The following PCDHGA4 variants were observed in gnomAD, a reference collection of about 807,000 sequenced individuals.
PCDHGA4 encodes protocadherin gamma subfamily A, 4, also known as protocadherin gamma-A4.
In PCDHGA4, 38 loss-of-function variants were observed where a neutral mutation model predicts 54.6. The ratio of observed to expected loss-of-function variants is 0.70; its 90% CI spans 0.54 to 0.91. The LOEUF (loss-of-function observed/expected upper bound fraction) is 0.91. Among genes scored for constraint, PCDHGA4 ranks in the 40% least tolerant of loss-of-function variants. PCDHGA4 has a pLI of 0.00. For missense variants in PCDHGA4, 1,298 were observed against 1,220.9 expected (o/e 1.06, Z -0.94); for synonymous variants, 511 against 512.9 (o/e 1.00, Z 0.05).
In PCDHGA4 at chr5:141,355,025, T is replaced by A; in HGVS notation, c.-83T>A. 2 of 933,162 alleles carry A rather than the reference T, an allele frequency of 2.1e-6. No homozygotes were observed. The highest frequency in any genetic ancestry group is 2.9e-5 in the East Asian group (1 of 34,984). 57.8% of individuals were successfully genotyped at this position (933,162 alleles called of 1,614,324 possible). A position where few individuals can be genotyped will look rare whatever the true frequency, so the allele number is the denominator to read the frequency against. On this transcript the variant is annotated 5_prime_UTR_variant, in exon 1 of 4. Coordinates refer to ENST00000571252, the MANE Select transcript of PCDHGA4 (RefSeq NM_018917.4). ...AGACAAACCAGAAATTTAATCAGAA[T>A]CACAAGATTTCTGCAGCACAAAGCA...
At chr5:141,415,746 T>G (rs766611858) in intron 1 of PCDHGA4, 17 of 662,556 alleles carry the variant, frequency 2.6e-5, no homozygotes, top group East Asian at 1.1e-4. Context: ...TAAGGTTTTT[T>G]TTTTTTTTTT....
At chr5:141,412,561 T>G (rs1183372771) in intron 1 of PCDHGA4, 3 of 152,184 alleles carry the variant, frequency 2.0e-5, no homozygotes, top group Admixed American at 6.5e-5. Context: ...TCTCATGAGT[T>G]TATTTAATAT....
Position 141,477,856 on chromosome 5 carries a change from G to T in PCDHGA4, c.2515-16951G>T, listed in dbSNP as rs773703641. ...CAGGTGGGAGCTCGGTGGAGATGCTGCCTCGAGGTACCTCAGCTGGCCACC... is the reference window on the plus strand; with the variant it reads ...CAGGTGGGAGCTCGGTGGAGATGCTTCCTCGAGGTACCTCAGCTGGCCACC... On this transcript the variant is annotated intron_variant, in intron 1 of 3. Coordinates refer to ENST00000571252, the MANE Select transcript of PCDHGA4 (RefSeq NM_018917.4). This position sits in a 1 kb window ranked among gnomAD's most constrained non-coding sequence, Gnocchi z 4.9. 1 of 1,613,474 alleles carries T rather than the reference G, an allele frequency of 6.2e-7. No homozygotes were observed. Among genetic ancestry groups the T allele is most frequent in the Non-Finnish European group, 8.5e-7 (1 of 1,179,854 alleles).
Position 141,375,441 on chromosome 5 carries a change from C to T in PCDHGA4, c.2514+17820C>T, listed in dbSNP as rs904228732. 4.3e-6 allele frequency: 7 copies of T among 1,613,912 alleles called. No individual in the cohort carries two copies. The highest frequency in any genetic ancestry group is 1.7e-5 in the Admixed American group (1 of 60,012). ...ACCAACGACAACCCGCCCACCTTCC[C>T]CCATTCATCCTACTCAGTCTATGTC... is the stretch of plus-strand genomic sequence containing the variant. On this transcript the variant is annotated intron_variant, in intron 1 of 3. Transcript: ENST00000571252.
At chr5:141,446,365 G>T (rs2098499873) in intron 1 of PCDHGA4, among the ~76,000 whole-genome samples, 1 of 152,194 alleles carries the variant, frequency 6.6e-6, no homozygotes, top group Non-Finnish European at 1.5e-5. Flanking sequence ...GATGAGAATG[G>T]AAGACTAAAG....
intron 2 of PCDHGA4, among the ~76,000 whole-genome samples, chr5:141,500,112 C>G (rs2099796438): frequency 6.8e-6 from 1 of 147,138 alleles, no homozygotes; most frequent in Non-Finnish European, 1.5e-5. Context: ...TGTTGAATCC[C>G]TGCCTTTTCA....
At chr5:141,504,476 A>G (rs998883721) in intron 2 of PCDHGA4, among the ~76,000 whole-genome samples, 4 of 152,016 alleles carry the variant, frequency 2.6e-5, no homozygotes, top group African/African-American at 9.7e-5. Context: ...GGATGGGAGT[A>G]CAGTGGAGGC....
At chr5:141,437,589 T>C (rs929281293) in intron 1 of PCDHGA4, among the ~76,000 whole-genome samples, 10 of 152,306 alleles carry the variant, frequency 6.6e-5, no homozygotes, top group African/African-American at 2.2e-4. Flanking sequence ...ATGAATTGGA[T>C]AGTTCTGGTG....
intron 1 of PCDHGA4, chr5:141,404,765 T>A: frequency 6.2e-7 from 1 of 1,613,120 alleles, no homozygotes; most frequent in Non-Finnish European, 8.5e-7. Context: ...TGCTTGGCTC[T>A]CCTACCGCCT....
At chr5:141,371,184 G>C in intron 1 of PCDHGA4, 1 of 1,614,032 alleles carries the variant, frequency 6.2e-7, no homozygotes, top group Non-Finnish European at 8.5e-7. Context: ...CGTATTAAAA[G>C]TGATGGCCAT....
intron 1 of PCDHGA4, among the ~76,000 whole-genome samples, chr5:141,452,165 C>G (rs917431071): frequency 2.6e-5 from 4 of 152,120 alleles, no homozygotes; most frequent in African/African-American, 9.7e-5. Flanking sequence ...TATTCTATTA[C>G]TAACATTTTT....
At position 141,355,743 on chromosome 5, in the gene PCDHGA4, C is replaced by A. The variant is rs750434737; in HGVS notation, c.636C>A (p.Asp212Glu). ...QLNSNGYFSL[D>E]VQSGADGIKY... is the part of the protein sequence containing the mutation. ...ACTCAAACGGTTACTTTTCCCTGGA[C>A]GTGCAAAGTGGGGCCGATGGGATTA... Residue 212 changes from aspartate (D) to glutamate (E), a missense_variant, in exon 1 of 4, where the codon GAC (aspartate) becomes GAA (glutamate). By Grantham distance (45) the Asp-to-Glu change is conservative. Coordinates refer to ENST00000571252, the MANE Select transcript of PCDHGA4 (RefSeq NM_018917.4). 2 of 1,613,960 alleles carry A rather than the reference C, an allele frequency of 1.2e-6. No homozygotes were observed. The highest frequency in any genetic ancestry group is 2.2e-5 in the East Asian group (1 of 44,884).
In PCDHGA4 at chr5:141,489,180, C is replaced by T. The variant is rs942218118; in HGVS notation, c.2515-5627C>T. 7.9e-7 allele frequency: 1 copy of T among 1,259,748 alleles called. No homozygotes were observed. The highest frequency in any genetic ancestry group is 2.0e-4 in the Middle Eastern group (1 of 5,096). The allele number at this position is 1,259,748 out of a possible 1,614,324, so 78.0% of individuals were successfully genotyped here. A position where few individuals can be genotyped will look rare whatever the true frequency, so the allele number is the denominator to read the frequency against. On this transcript the variant is annotated intron_variant, in intron 1 of 3. Coordinates refer to ENST00000571252, the MANE Select transcript of PCDHGA4 (RefSeq NM_018917.4). This position sits in a 1 kb window ranked among gnomAD's most constrained non-coding sequence, Gnocchi z 4.5. ...GACTTCAGCTGCTGCATTCCAAGCCCTGGGTCTACCTTGGAGACAGGACAG... is the reference window on the plus strand; with the variant it reads ...GACTTCAGCTGCTGCATTCCAAGCCTTGGGTCTACCTTGGAGACAGGACAG...
chr5:141,403,547 G>T (rs940508173), intron 1 of PCDHGA4: 8 of 1,613,888 alleles, frequency 5.0e-6, no homozygotes, highest in African/African-American at 1.3e-5. Flanking sequence ...GCTGGAGCGC[G>T]CCCTGGACAG....
chr5:141,478,589 T>C, intron 1 of PCDHGA4: 2 of 1,573,336 alleles, frequency 1.3e-6, no homozygotes, highest in Non-Finnish European at 1.7e-6. Context: ...AGTGCTTTTT[T>C]ATTCCTACAT....
rs55729045 is a variant in PCDHGA4 at position 141,395,542 on chromosome 5, TTGTGTGTGTGTGTGTG to T, written c.2514+37955_2514+37970del. 64 of 172,628 alleles carry T rather than the reference TTGTGTGTGTGTGTGTG, an allele frequency of 3.7e-4. 1 individual carries two copies. Among genetic ancestry groups the T allele is most frequent in the South Asian group, 2.0e-3 (23 of 11,528 alleles). The allele number at this position is 172,628 out of a possible 1,614,324, so 10.7% of individuals were successfully genotyped here. A position where few individuals can be genotyped will look rare whatever the true frequency, so the allele number is the denominator to read the frequency against. ...TCCATACTGGTAATTTTGCTATTGT[TTGTGTGTGTGTGTGTG>T]TGTGTGTGTGTGTGTGTGTGTGTGT... On this transcript the variant is annotated intron_variant, in intron 1 of 3. Coordinates refer to ENST00000571252, the MANE Select transcript of PCDHGA4 (RefSeq NM_018917.4).
Position 141,432,454 on chromosome 5 carries a change from C to T in PCDHGA4, c.2515-62353C>T, listed in dbSNP as rs751733947. On this transcript the variant is annotated intron_variant, in intron 1 of 3. Coordinates refer to ENST00000571252, the MANE Select transcript of PCDHGA4 (RefSeq NM_018917.4). The surrounding 1 kb of genome is among the most constrained non-coding windows in gnomAD (Gnocchi z 6.0). ...ACAATGCGCCCGAGATCCTGTACCC[C>T]GCCCTCCCCACGGACGGTTCCACTG... 134 of 1,614,108 alleles carry T rather than the reference C, an allele frequency of 8.3e-5. No homozygotes were observed. The highest frequency in any genetic ancestry group is 1.1e-4 in the Non-Finnish European group (133 of 1,180,058).
chr5:141,465,021 C>A (rs974818222), intron 1 of PCDHGA4, among the ~76,000 whole-genome samples: 1 of 152,100 alleles, frequency 6.6e-6, no homozygotes, highest in Non-Finnish European at 1.5e-5. Flanking sequence ...AGATTACAGC[C>A]ATGAACCACC....
intron 1 of PCDHGA4, chr5:141,398,172 A>G (rs1386610242): frequency 6.1e-6 from 9 of 1,476,892 alleles, no homozygotes; most frequent in Non-Finnish European, 7.2e-6. Context: ...AGAGGCTGCC[A>G]GTGCTCTTTC....
Sources: allele counts gnomAD v4.1 joint callset (sites outside exome capture counted in the v4.1 genomes callset), GRCh38; gene constraint gnomAD v4.1.1; non-coding constraint Gnocchi (gnomAD v3.1); transcripts MANE v1.5; gene names NCBI Gene and HGNC (gene_info 2026-07-23, HGNC 2026-07-21).